The following SPOCK3 variants were observed in gnomAD, a reference collection of about 807,000 sequenced individuals.
SPOCK3 encodes the protein SPARC (osteonectin), cwcv and kazal like domains proteoglycan 3.
A neutral mutation model predicts 56.6 loss-of-function variants in SPOCK3; 30 were observed. The observed-to-expected ratio is 0.53, with a 90% CI of 0.40 to 0.72. The LOEUF is 0.72. Ranked by LOEUF, SPOCK3 falls within the 30% of genes least tolerant of loss-of-function variation. The pLI, the probability that SPOCK3 is intolerant of heterozygous loss-of-function variation, is 0.00. For missense variants in SPOCK3, 527 were observed against 530.0 expected, an observed-to-expected ratio of 0.99 and a Z score of 0.06; for synonymous variants, 196 against 183.3, an observed-to-expected ratio of 1.07 and a Z score of -0.56.
At chr4:167,072,342 T>A (rs12651267) in intron 2 of SPOCK3, among the ~76,000 whole-genome samples, 3 of 152,046 alleles carry the variant, frequency 2.0e-5, no homozygotes, top group Non-Finnish European at 2.9e-5. Flanking sequence ...CCCTTTTTTT[T>A]ACATGTTATA....
rs545117619 is a variant in SPOCK3 at position 166,970,931 on chromosome 4, T to C, written c.350+29418A>G. ...TTATAAGAGACAGAGTCTTGTTATGTTGCCTAGGCTGGCCTCAAACCCCTG... is the reference window on the plus strand; with the variant it reads ...TTATAAGAGACAGAGTCTTGTTATGCTGCCTAGGCTGGCCTCAAACCCCTG... On this transcript the variant is annotated intron_variant, in intron 4 of 10. Coordinates refer to ENST00000357545, the MANE Select transcript of SPOCK3 (RefSeq NM_001040159.2). Among the ~76,000 whole-genome samples the C allele has an allele frequency of 5.9e-5, 9 of 152,304 alleles. No individual in the cohort carries two copies. In the South Asian group the frequency reaches 1.4e-3, roughly 25 times the overall value.
At chr4:167,022,428 C>T (rs1751281514) in intron 3 of SPOCK3, among the ~76,000 whole-genome samples, 1 of 151,868 alleles carries the variant, frequency 6.6e-6, no homozygotes, top group Admixed American at 6.6e-5. Flanking sequence ...TAGGAACATA[C>T]CATCATTAAA....
chr4:167,060,020 A>T (rs1030482677), intron 3 of SPOCK3, among the ~76,000 whole-genome samples: 14 of 151,548 alleles, frequency 9.2e-5, no homozygotes, highest in African/African-American at 3.4e-4. Context: ...GGGAGTGGGG[A>T]GGGATAGCTT....
intron 6 of SPOCK3, among the ~76,000 whole-genome samples, chr4:166,801,897 T>A (rs1742644084): frequency 1.3e-5 from 2 of 152,102 alleles, no homozygotes; most frequent in African/African-American, 4.8e-5. Context: ...ATCTACAGAA[T>A]AGCAGACACT....
chr4:166,922,904 C>T (rs1403077742), intron 4 of SPOCK3, among the ~76,000 whole-genome samples: 1 of 152,208 alleles, frequency 6.6e-6, no homozygotes, highest in African/African-American at 2.4e-5. Flanking sequence ...CGTTAGATCA[C>T]ACTTCCAGAA....
chr4:166,937,863 A>T (rs1247900174), intron 4 of SPOCK3, among the ~76,000 whole-genome samples: 2 of 148,058 alleles, frequency 1.4e-5, no homozygotes. Context: ...TCCCGGGTTC[A>T]CGCCATTCTC....
intron 2 of SPOCK3, among the ~76,000 whole-genome samples, chr4:167,133,573 A>G (rs1762868171): frequency 6.6e-6 from 1 of 152,240 alleles, no homozygotes; most frequent in South Asian, 2.1e-4. Context: ...CTGTGGTCAG[A>G]TAGATAGCTG....
rs936092083 is a variant in SPOCK3, at chr4:167,189,239, G to C, written c.189+44746C>G. Among the ~76,000 whole-genome samples the C allele has an allele frequency of 4.8e-5, 7 of 145,682 alleles. 2 individuals carry two copies. Among genetic ancestry groups the C allele is most frequent in the African/African-American group, 1.0e-4 (4 of 38,196 alleles). On this transcript the variant is annotated intron_variant, in intron 2 of 10. Transcript: ENST00000357545. The stretch of plus-strand genomic sequence containing the variant: ...AATATATAATAAGAAAAGTACACTA[G>C]ACAAAGTCAAATTTGAAGTTCACTT...
chr4:166,849,579 T>C (rs1748466797), intron 6 of SPOCK3, among the ~76,000 whole-genome samples: 1 of 152,194 alleles, frequency 6.6e-6, no homozygotes, highest in Admixed American at 6.5e-5. Flanking sequence ...TTATAAAACA[T>C]CTATTTTAAT....
intron 4 of SPOCK3, among the ~76,000 whole-genome samples, chr4:166,928,202 G>T (rs1739332191): frequency 1.3e-5 from 2 of 152,156 alleles, no homozygotes; most frequent in Admixed American, 1.3e-4. Flanking sequence ...CTCTTACCAA[G>T]GGATCCAGCA....
chr4:167,029,737 T>G (rs1352931116), intron 3 of SPOCK3, among the ~76,000 whole-genome samples: 2 of 152,000 alleles, frequency 1.3e-5, no homozygotes, highest in Admixed American at 6.6e-5. Flanking sequence ...TCAATAAGGA[T>G]GTAGGTATGA....
At chr4:166,858,057 T>A (rs1018410967) in intron 6 of SPOCK3, among the ~76,000 whole-genome samples, 2 of 152,182 alleles carry the variant, frequency 1.3e-5, no homozygotes, top group African/African-American at 4.8e-5. Context: ...ACATGGACAA[T>A]ATATGGTTAT....
At chr4:167,108,207 G>C (rs929815837) in intron 2 of SPOCK3, among the ~76,000 whole-genome samples, 2 of 151,872 alleles carry the variant, frequency 1.3e-5, no homozygotes, top group African/African-American at 4.8e-5. Flanking sequence ...CTGTTGGTGG[G>C]AATGTAAATT....
At chr4:167,195,747 G>A (rs573668815) in intron 2 of SPOCK3, among the ~76,000 whole-genome samples, 7 of 152,320 alleles carry the variant, frequency 4.6e-5, no homozygotes, top group Admixed American at 4.6e-4. Flanking sequence ...GGATGGGATT[G>A]TTCTGTGTCT....
intron 2 of SPOCK3, among the ~76,000 whole-genome samples, chr4:167,076,915 T>C (rs899275618): frequency 5.3e-5 from 8 of 151,880 alleles, no homozygotes; most frequent in Admixed American, 1.3e-4. Context: ...TTTAGAAACA[T>C]ACCAATAAAT....
chr4:167,178,086 T>C (rs1274889415), intron 2 of SPOCK3, among the ~76,000 whole-genome samples: 1 of 152,168 alleles, frequency 6.6e-6, no homozygotes, highest in Non-Finnish European at 1.5e-5. Context: ...TCTTTGGCCA[T>C]TGTGCTGTAT....
At chr4:167,081,467 C>T (rs1449460458) in intron 2 of SPOCK3, among the ~76,000 whole-genome samples, 1 of 152,046 alleles carries the variant, frequency 6.6e-6, no homozygotes, top group Non-Finnish European at 1.5e-5. Context: ...CTCACTCACT[C>T]ACTCATGCAT....
In SPOCK3 at chr4:167,116,721, G is replaced by A. The variant is rs575779634; in HGVS notation, c.190-54184C>T. ...GTATATATACGTATATAGTATATATGTATATATACACACATATAGTATATA... is the reference window on the plus strand; with the variant it reads ...GTATATATACGTATATAGTATATATATATATATACACACATATAGTATATA... On this transcript the variant is annotated intron_variant, in intron 2 of 10. Coordinates refer to ENST00000357545, the MANE Select transcript of SPOCK3 (RefSeq NM_001040159.2). 5.5e-5 allele frequency among the ~76,000 whole-genome samples: 7 copies of A among 128,346 alleles called. No individual in the cohort carries two copies. The South Asian group carries it at 1.7e-3, about 31-fold the overall frequency. The allele number at this position is 128,346 out of a possible 152,430, so 84.2% of individuals were successfully genotyped here. A position where few individuals can be genotyped will look rare whatever the true frequency, so the allele number is the denominator to read the frequency against.
chr4:166,833,507 G>A (rs375130696), intron 6 of SPOCK3, among the ~76,000 whole-genome samples: 19 of 152,008 alleles, frequency 1.2e-4, no homozygotes, highest in African/African-American at 1.9e-4. Context: ...TTTTTGGTTC[G>A]TGTGCATTAA....
Sources: gnomAD v4.1 joint callset for allele counts (sites outside exome capture counted in the v4.1 genomes callset) on GRCh38, gnomAD v4.1.1 for gene constraint, MANE v1.5 for transcripts, NCBI Gene and HGNC (gene_info 2026-07-23, HGNC 2026-07-21) for gene names.